The following GLCE variants were observed in gnomAD, a reference collection of about 807,000 sequenced individuals.
GLCE encodes the protein glucuronic acid epimerase.
In GLCE, 19 loss-of-function variants were observed where a neutral mutation model predicts 47.9. That is an observed-to-expected ratio of 0.40 (90% confidence interval 0.28 to 0.58). GLCE has a LOEUF of 0.58. GLCE is among the 20% of genes least tolerant of loss of function. The probability of loss-of-function intolerance (pLI) is 0.48; values close to 1 mark genes in which losing one functional copy is unlikely to be tolerated. For synonymous variants in GLCE, 245 were observed against 263.4 expected (o/e 0.93, Z 0.68); for missense variants, 556 against 743.3 (o/e 0.75, Z 2.93).
intron 1 of GLCE, among the ~76,000 whole-genome samples, chr15:69,199,285 C>T (rs2052043132): frequency 6.6e-6 from 1 of 152,076 alleles, no homozygotes; most frequent in African/African-American, 2.4e-5. Flanking sequence ...AATAGGAATT[C>T]TAGAAATAAT....
At position 69,269,230 on chromosome 15, in the gene GLCE, G is replaced by T. The variant is rs2053130786; in HGVS notation, c.1840G>T (p.Ala614Ser). The change falls in exon 5 of 5, where the codon GCA becomes TCA. Residue 614 changes from alanine to serine, a missense_variant. Physicochemically the swap from Ala to Ser is moderately conservative, Grantham distance 99 (BLOSUM62 1). This residue lies in a region of GLCE where 245 missense variants were observed against 368.1 expected (regional missense o/e 0.67). Coordinates refer to ENST00000261858, the MANE Select transcript of GLCE (RefSeq NM_015554.3). Reference protein sequence around the residue: ...RWKSYLKGSRAKHN With the variant: ...RWKSYLKGSRSKHN ...GAAAAGCTACCTTAAAGGCAGCAGG[G>T]CAAAGCACAACTAGAGCTCACAACC... is the stretch of plus-strand genomic sequence containing the variant. 1 of 1,613,680 alleles carries T rather than the reference G, an allele frequency of 6.2e-7. No individual in the cohort carries two copies.
At chr15:69,237,704 C>T (rs1259710396) in intron 2 of GLCE, among the ~76,000 whole-genome samples, 7 of 152,152 alleles carry the variant, frequency 4.6e-5, no homozygotes, top group Non-Finnish European at 8.8e-5. Context: ...TATAAGCAGG[C>T]TTCTTGATGA....
At chr15:69,192,789 T>C (rs1323214926) in intron 1 of GLCE, among the ~76,000 whole-genome samples, 1 of 152,152 alleles carries the variant, frequency 6.6e-6, no homozygotes, top group East Asian at 1.9e-4. Flanking sequence ...TCACTTCTAA[T>C]GCATGGTCCT....
At chr15:69,250,293 G>A (rs1441171804) in intron 2 of GLCE, among the ~76,000 whole-genome samples, 1 of 151,922 alleles carries the variant, frequency 6.6e-6, no homozygotes, top group East Asian at 1.9e-4. Context: ...AAATTACTGA[G>A]TTTCTCTTTA....
At chr15:69,197,275 C>A in intron 1 of GLCE, 1 of 332,490 alleles carries the variant, frequency 3.0e-6, no homozygotes, top group South Asian at 2.7e-5. Flanking sequence ...CTTCAAGCAT[C>A]TCAGCAACTT....
intron 1 of GLCE, among the ~76,000 whole-genome samples, chr15:69,174,332 A>C (rs961409193): frequency 6.6e-6 from 1 of 152,134 alleles, no homozygotes; most frequent in Non-Finnish European, 1.5e-5. Flanking sequence ...TAATGTCAAA[A>C]ACTGAAACCA....
intron 2 of GLCE, among the ~76,000 whole-genome samples, chr15:69,216,003 A>G (rs933082522): frequency 3.9e-5 from 6 of 152,160 alleles, no homozygotes; most frequent in Non-Finnish European, 8.8e-5. Context: ...GCTATGCTTT[A>G]TAATAAAATA....
chr15:69,224,102 C>G (rs1447865233), intron 2 of GLCE, among the ~76,000 whole-genome samples: 1 of 152,170 alleles, frequency 6.6e-6, no homozygotes, highest in Non-Finnish European at 1.5e-5. Flanking sequence ...ATGTGCCATA[C>G]TTTCCTGTTT....
intron 1 of GLCE, among the ~76,000 whole-genome samples, chr15:69,162,426 G>C (rs2051438901): frequency 6.6e-6 from 1 of 152,172 alleles, no homozygotes; most frequent in Non-Finnish European, 1.5e-5. Context: ...GTGGCAGGCA[G>C]TGAAGTCCGT....
At chr15:69,233,038 T>A (rs1456368442) in intron 2 of GLCE, among the ~76,000 whole-genome samples, 2 of 152,330 alleles carry the variant, frequency 1.3e-5, no homozygotes, top group South Asian at 4.2e-4. Flanking sequence ...TTACTTAACA[T>A]TGATTATTAA....
At chr15:69,188,268 A>G (rs1013982383) in intron 1 of GLCE, among the ~76,000 whole-genome samples, 4 of 152,074 alleles carry the variant, frequency 2.6e-5, no homozygotes, top group African/African-American at 9.7e-5. Context: ...ACAAAAAAAC[A>G]CAACTTGGTC....
intron 1 of GLCE, among the ~76,000 whole-genome samples, chr15:69,173,860 GA>G (rs2051622616): frequency 6.6e-6 from 1 of 152,064 alleles, no homozygotes; most frequent in African/African-American, 2.4e-5. Context: ...AATTTAACTA[GA>G]TTTTTTATTT....
Position 69,161,157 on chromosome 15 carries a change from C to T in GLCE, c.-105+400C>T, listed in dbSNP as rs367625318. 5.5e-4 allele frequency among the ~76,000 whole-genome samples: 83 copies of T among 151,904 alleles called. 2 individuals are homozygous for T. The East Asian group carries it at 0.016, about 30-fold the overall frequency. On this transcript the variant is annotated intron_variant, in intron 1 of 4. Coordinates refer to ENST00000261858, the MANE Select transcript of GLCE (RefSeq NM_015554.3). ...ACAAGGGGTCTTTTTACCCGGGTCC[C>T]GAGCTCTTTGGGGCAGAGAATGCAG... is the stretch of plus-strand genomic sequence containing the variant.
chr15:69,184,400 C>A (rs1053380174), intron 1 of GLCE, among the ~76,000 whole-genome samples: 1 of 152,174 alleles, frequency 6.6e-6, no homozygotes, highest in African/African-American at 2.4e-5. Context: ...AGAGCTCTTT[C>A]ATCTCTTTCC....
chr15:69,271,324 TG>T lies in GLCE; in HGVS notation c.*2082del, dbSNP rs1361299233. ...TAGCAGCATTGTCAGTACAGACCAG[TG>T]GTTCTCAAACTTTAAAATGCCTCAG... On this transcript the variant is annotated 3_prime_UTR_variant, in exon 5 of 5. Transcript: ENST00000261858. 6.6e-6 allele frequency: 1 copy of T among 152,664 alleles called. No individual in the cohort carries two copies. The highest frequency in any genetic ancestry group is 1.5e-5 in the Non-Finnish European group (1 of 68,032). The allele number at this position is 152,664 out of a possible 1,614,324, so 9.5% of individuals were successfully genotyped here.
rs1304555880 is a variant in GLCE at position 69,245,200 on chromosome 15, G to C, written c.-13-10594G>C. ...ATGCAAAAATTAGCCAGGCATGGTG[G>C]CATATGCCTGTAATCCCAGCTACTC... On this transcript the variant is annotated intron_variant, in intron 2 of 4. Transcript: ENST00000261858. Among the ~76,000 whole-genome samples, 6 of 151,960 alleles carry C rather than the reference G, an allele frequency of 3.9e-5. No individual in the cohort carries two copies. The East Asian group carries it at 9.7e-4, about 25-fold the overall frequency.
chr15:69,173,081 G>A (rs1395776668), intron 1 of GLCE, among the ~76,000 whole-genome samples: 1 of 152,158 alleles, frequency 6.6e-6, no homozygotes, highest in East Asian at 1.9e-4. Context: ...TGCAGTTGGT[G>A]AGTCAGTGGT....
chr15:69,255,943 G>A lies in GLCE; in HGVS notation c.137G>A (p.Gly46Asp). ...AIQFPRRSSS[G>D]FRVDGFEKRA... ...CAGTTTCCACGGCGTTCGAGTAGTG[G>A]CTTCAGAGTGGATGGGTTTGAAAAA... The change falls in exon 3 of 5, where the codon GGC becomes GAC. Residue 46 changes from glycine (G) to aspartate (D), a missense_variant. This residue lies in a region of GLCE where 237 missense variants were observed against 310.9 expected (regional missense o/e 0.76). Coordinates refer to ENST00000261858, the MANE Select transcript of GLCE (RefSeq NM_015554.3). 1 of 1,614,046 alleles carries A rather than the reference G, an allele frequency of 6.2e-7. No individual in the cohort carries two copies. The highest frequency in any genetic ancestry group is 8.5e-7 in the Non-Finnish European group (1 of 1,179,994).
chr15:69,252,914 T>C (rs1188002232), intron 2 of GLCE, among the ~76,000 whole-genome samples: 1 of 152,152 alleles, frequency 6.6e-6, no homozygotes, highest in Non-Finnish European at 1.5e-5. Flanking sequence ...TGATGAATTA[T>C]TCTCAGTTAA....
Sources: gnomAD v4.1 joint callset for allele counts (sites outside exome capture counted in the v4.1 genomes callset) on GRCh38, gnomAD v4.1.1 for gene constraint, gnomAD v4.1.1 regional missense constraint, MANE v1.5 for transcripts, NCBI Gene and HGNC (gene_info 2026-07-23, HGNC 2026-07-21) for gene names.